Variants in RUFY2 observed in about 807,000 individuals in gnomAD.
RUFY2 encodes RUN and FYVE domain containing 2.
A neutral mutation model predicts 94.4 loss-of-function variants in RUFY2; 49 were observed. The observed-to-expected ratio is 0.52, with a 90% CI of 0.41 to 0.66. The LOEUF (loss-of-function observed/expected upper bound fraction) is 0.66, where lower values mean the gene tolerates loss of function less well. Ranked by LOEUF, RUFY2 falls within the 30% of genes least tolerant of loss-of-function variation. The pLI is 0.00. For synonymous variants in RUFY2, 255 were observed against 235.7 expected, an observed-to-expected ratio of 1.08 and a Z score of -0.75; for missense variants, 541 against 692.8, an observed-to-expected ratio of 0.78 and a Z score of 2.46.
chr10:68,371,297 C>T (rs1453844228), intron 13 of RUFY2, among the ~76,000 whole-genome samples: 4 of 151,886 alleles, frequency 2.6e-5, no homozygotes, highest in African/African-American at 7.2e-5. Context: ...TGGTAGGTGC[C>T]TATAATCCCA....
At chr10:68,357,299 A>T (rs2047128526) in intron 15 of RUFY2, among the ~76,000 whole-genome samples, 1 of 149,824 alleles carries the variant, frequency 6.7e-6, no homozygotes, top group Non-Finnish European at 1.5e-5. Flanking sequence ...CATGATCTCG[A>T]CTCACTGCAA....
chr10:68,385,316 G>C (rs1412698102), intron 8 of RUFY2, among the ~76,000 whole-genome samples: 1 of 151,390 alleles, frequency 6.6e-6, no homozygotes, highest in African/African-American at 2.4e-5. Context: ...TGGAAAATAG[G>C]GTTCACAATA....
In RUFY2 at chr10:68,391,653, C is replaced by CAAAA. The variant is rs1230935983; in HGVS notation, c.650+1481_650+1484dup. ...TGGGCAACAGAGTGAGACCCTGTCT[C>CAAAA]AAAAAAAAAAAAAAAAAAAAAAAAG... On this transcript the variant is annotated intron_variant, in intron 7 of 17. Transcript: ENST00000602465. 2.8e-4 allele frequency among the ~76,000 whole-genome samples: 8 copies of CAAAA among 28,794 alleles called. 1 individual carries two copies. Among genetic ancestry groups the CAAAA allele is most frequent in the African/African-American group, 8.8e-4 (6 of 6,794 alleles). 18.9% of individuals were successfully genotyped at this position (28,794 alleles called of 152,430 possible).
intron 12 of RUFY2, chr10:68,378,815 T>G (rs1025675890): frequency 8.4e-6 from 5 of 597,164 alleles, no homozygotes; most frequent in Non-Finnish European, 1.2e-5. Context: ...AAAGCATTAA[T>G]AGTTATGTTT....
chr10:68,375,119 C>T (rs1317104373), intron 13 of RUFY2, among the ~76,000 whole-genome samples: 1 of 151,966 alleles, frequency 6.6e-6, no homozygotes, highest in Non-Finnish European at 1.5e-5. Context: ...AGAAGCTGGG[C>T]ATGGTGGCTC....
At chr10:68,394,205 T>G (rs1191192325) in intron 5 of RUFY2, 69 bp from the exon 6 acceptor site, 5 of 1,534,308 alleles carry the variant, frequency 3.3e-6, no homozygotes, top group Non-Finnish European at 4.4e-6. Flanking sequence ...CTTTACTGAA[T>G]GTTACTCTTA....
rs1340968955 is a variant in RUFY2, at chr10:68,344,353, A to C, written c.*1415T>G. On this transcript the variant is annotated 3_prime_UTR_variant, in exon 18 of 18. Coordinates refer to ENST00000602465, the MANE Select transcript of RUFY2 (RefSeq NM_001330103.2). ...CTAAATATAATGCTCTTAATCCATA[A>C]ATTTTCTATGTATTTTTTATAGGCT... The C allele has an allele frequency of 6.6e-6, 1 of 152,198 alleles. No individual in the cohort carries two copies. The highest frequency in any genetic ancestry group is 2.4e-5 in the African/African-American group (1 of 41,444). The allele number at this position is 152,198 out of a possible 1,614,324, so 9.4% of individuals were successfully genotyped here. A position where few individuals can be genotyped will look rare whatever the true frequency, so the allele number is the denominator to read the frequency against.
At chr10:68,341,647 T>A (rs976888570), downstream of RUFY2, 10 of 1,613,644 alleles carry the variant, frequency 6.2e-6, no homozygotes, top group Non-Finnish European at 8.5e-6. Context: ...CATGGGAGGT[T>A]CTGGAATGGG....
At chr10:68,368,269 G>A (rs966384289) in intron 13 of RUFY2, among the ~76,000 whole-genome samples, 3 of 151,274 alleles carry the variant, frequency 2.0e-5, no homozygotes, top group African/African-American at 7.4e-5. Flanking sequence ...GGCCCAGCCT[G>A]TAGGTTTTTA....
At chr10:68,360,369 G>A (rs1393124741) in intron 15 of RUFY2, among the ~76,000 whole-genome samples, 1 of 152,136 alleles carries the variant, frequency 6.6e-6, no homozygotes, top group African/African-American at 2.4e-5. Flanking sequence ...GCCGAAGCAA[G>A]AGGACTCCTT....
chr10:68,377,547 T>C (rs1328011927), intron 12 of RUFY2: 2 of 985,314 alleles, frequency 2.0e-6, no homozygotes, highest in Non-Finnish European at 2.4e-6. Flanking sequence ...TGCATATATG[T>C]TTAAGATTCA....
chr10:68,365,269 T>C (rs976097156), intron 13 of RUFY2, among the ~76,000 whole-genome samples: 20 of 152,212 alleles, frequency 1.3e-4, no homozygotes, highest in African/African-American at 4.3e-4. Context: ...TCTCTTCAAC[T>C]AATGTTATTT....
chr10:68,351,444 T>G, intron 16 of RUFY2, among the ~76,000 whole-genome samples: 1 of 98,088 alleles, frequency 1.0e-5, no homozygotes, highest in Admixed American at 1.3e-4. Flanking sequence ...CCTCCACCCA[T>G]CTTTTTTTTT....
At chr10:68,374,443 A>C (rs1014905730) in intron 13 of RUFY2, among the ~76,000 whole-genome samples, 1 of 152,210 alleles carries the variant, frequency 6.6e-6, no homozygotes, top group East Asian at 1.9e-4. Flanking sequence ...ATATAATGAC[A>C]AAAGGGTCAA....
chr10:68,351,799 G>A (rs1451622558), intron 16 of RUFY2, among the ~76,000 whole-genome samples: 2 of 149,060 alleles, frequency 1.3e-5, no homozygotes, highest in African/African-American at 4.9e-5. Context: ...GCTCACGCCT[G>A]TAATCCCAGC....
rs1287509728 is a variant in RUFY2, at chr10:68,345,828, T to C, written c.1761A>G (p.Val587=). The C allele has an allele frequency of 6.2e-7, 1 of 1,613,834 alleles. No homozygotes were observed. The highest frequency in any genetic ancestry group is 1.3e-5 in the African/African-American group (1 of 74,924). Residue 587 remains valine, a synonymous_variant, in exon 18 of 18, where the codon GTA becomes GTG. Coordinates refer to ENST00000602465, the MANE Select transcript of RUFY2 (RefSeq NM_001330103.2). ...ELPLPSSPKP[V]RVCDSCHALL... is the part of the protein sequence containing the mutation. Reference sequence around the variant, plus strand: ...GTGCATGACAGGAATCACAAACCCGTACTGGTTTTGGTGAAGAAGGCAAAG... The same window carrying C: ...GTGCATGACAGGAATCACAAACCCGCACTGGTTTTGGTGAAGAAGGCAAAG...
At chr10:68,404,579 C>A in intron 2 of RUFY2, 92 bp downstream of exon 2, 1 of 829,678 alleles carries the variant, frequency 1.2e-6, no homozygotes, top group South Asian at 2.9e-5. Context: ...TGCACAGTAA[C>A]GTAATTATGG....
At chr10:68,377,878 A>G (rs1349494611) in intron 12 of RUFY2, 5 of 985,352 alleles carry the variant, frequency 5.1e-6, no homozygotes, top group African/African-American at 3.5e-5. Flanking sequence ...AACCATACCA[A>G]TGGAGCAACC....
rs528500912 is a variant in RUFY2, at chr10:68,396,745, A to G, written c.398+35T>C. On this transcript the variant is annotated intron_variant, in intron 4 of 17. Coordinates refer to ENST00000602465, the MANE Select transcript of RUFY2 (RefSeq NM_001330103.2). ...TTGGAAGACAGCATATAAATAAAAT[A>G]AAAAATGAAAAGATCACGACTTAAT... 4 of 1,379,698 alleles carry G rather than the reference A, an allele frequency of 2.9e-6. No individual in the cohort carries two copies. The South Asian group carries it at 3.6e-5, about 12-fold the overall frequency. 85.5% of individuals were successfully genotyped at this position (1,379,698 alleles called of 1,614,324 possible).
Sources: gnomAD v4.1 joint callset for allele counts (sites outside exome capture counted in the v4.1 genomes callset) on GRCh38, gnomAD v4.1.1 for gene constraint, MANE v1.5 for transcripts, NCBI Gene and HGNC (gene_info 2026-07-23, HGNC 2026-07-21) for gene names.